SLC22A23: variants seen among roughly 807,000 people sequenced by gnomAD.
The protein encoded by SLC22A23 is ion transporter protein.
In SLC22A23, 26 loss-of-function variants were observed where a neutral mutation model predicts 61.0. That is an observed-to-expected ratio of 0.43 (90% CI 0.31 to 0.59). SLC22A23 has a LOEUF of 0.59. Among genes scored for constraint, SLC22A23 ranks in the 20% least tolerant of loss-of-function variants. The probability of loss-of-function intolerance (pLI) is 0.11; values close to 1 mark genes in which losing one functional copy is unlikely to be tolerated. For synonymous variants in SLC22A23, 430 were observed against 413.9 expected (o/e 1.04, Z -0.47); for missense variants, 796 against 934.7 (o/e 0.85, Z 1.94).
At chr6:3,409,598 T>A (rs1441860067) in intron 3 of SLC22A23, among the ~76,000 whole-genome samples, 1 of 152,224 alleles carries the variant, frequency 6.6e-6, no homozygotes, top group Admixed American at 6.5e-5. Flanking sequence ...GGTGTGTGGT[T>A]GTGTTCTAGC....
At chr6:3,285,260 G>A (rs1165560380) in intron 7 of SLC22A23, 149 bp from the exon 8 acceptor site, 2 of 1,057,388 alleles carry the variant, frequency 1.9e-6, no homozygotes, top group Non-Finnish European at 1.4e-6. Flanking sequence ...GATGGCGCTG[G>A]CCGCCGGGGC....
rs1448924914 is a variant in SLC22A23, at chr6:3,273,005, C to T, written c.*50G>A. On this transcript the variant is annotated 3_prime_UTR_variant, in exon 10 of 10. Transcript: ENST00000406686. ...CGTGTTCGGTCCCTGGTCTGTAAACCTGTGCCCAAGCTGCCCCAGACCCTG... is the reference window on the plus strand; with the variant it reads ...CGTGTTCGGTCCCTGGTCTGTAAACTTGTGCCCAAGCTGCCCCAGACCCTG... 1 of 1,476,204 alleles carries T rather than the reference C, an allele frequency of 6.8e-7. No individual in the cohort carries two copies. Among genetic ancestry groups the T allele is most frequent in the Admixed American group, 2.2e-5 (1 of 44,618 alleles). The allele number at this position is 1,476,204 out of a possible 1,614,324, so 91.4% of individuals were successfully genotyped here.
intron 3 of SLC22A23, among the ~76,000 whole-genome samples, chr6:3,362,147 T>TGGTGGCTC (rs1388675123): frequency 1.3e-5 from 2 of 151,944 alleles, no homozygotes; most frequent in Non-Finnish European, 2.9e-5. Context: ...CTCACGCCTG[T>TGGTGGCTC]AATCCTAGGA....
rs1030544878 is a variant in SLC22A23 at position 3,324,164 on chromosome 6, G to C, written c.914-162C>G. 2.8e-5 allele frequency: 23 copies of C among 835,628 alleles called. No homozygotes were observed. The highest frequency in any genetic ancestry group is 5.6e-5 in the Admixed American group (2 of 35,412). 51.8% of individuals were successfully genotyped at this position (835,628 alleles called of 1,614,324 possible). ...CCTATGTGGTGTGCCAGTGTTTTAC[G>C]GGCGCGTTGAGGCTCCAACTGGGAA... On this transcript the variant is annotated intron_variant, in intron 3 of 9. Transcript: ENST00000406686. The surrounding 1 kb of genome is among the most constrained non-coding windows in gnomAD (Gnocchi z 4.3).
At chr6:3,378,759 G>A (rs894158344) in intron 3 of SLC22A23, among the ~76,000 whole-genome samples, 1 of 146,486 alleles carries the variant, frequency 6.8e-6, no homozygotes, top group Non-Finnish European at 1.5e-5. Context: ...CAGGGTTCAA[G>A]CGATTCTCTT....
rs1167967068 is a variant in SLC22A23, at chr6:3,456,276, T to C, written c.284A>G (p.Tyr95Cys). 3.2e-6 allele frequency: 5 copies of C among 1,551,052 alleles called. No homozygotes were observed. Among genetic ancestry groups the C allele is most frequent in the African/African-American group, 1.4e-5 (1 of 72,964 alleles). Residue 95 changes from tyrosine to cysteine, a missense_variant, in exon 1 of 10, where the codon TAT becomes TGT. Physicochemically the swap from Tyr to Cys is radical, Grantham distance 194. Coordinates refer to ENST00000406686, the MANE Select transcript of SLC22A23 (RefSeq NM_015482.2). The surrounding 1 kb of genome is among the most constrained non-coding windows in gnomAD (Gnocchi z 7.1). ...LPFLGGLGGGYQKTLVLLTWI... is the reference protein window; with the variant it reads ...LPFLGGLGGGCQKTLVLLTWI... ...GGTGAGCAGCACGAGGGTCTTCTGA[T>C]AGCCCCCGCCCAGGCCCCCGAGGAA...
intron 1 of SLC22A23, among the ~76,000 whole-genome samples, chr6:3,430,981 A>T (rs1186816280): frequency 1.3e-5 from 2 of 151,026 alleles, no homozygotes; most frequent in African/African-American, 4.9e-5. Context: ...CAGGAGAATC[A>T]CTTCAACCTG....
chr6:3,285,058 G>C (rs570532628), intron 8 of SLC22A23, 21 bp downstream of exon 8: 1 of 1,612,344 alleles, frequency 6.2e-7, no homozygotes. Context: ...AGGAAGCACA[G>C]CCCACGCGCT....
intron 3 of SLC22A23, among the ~76,000 whole-genome samples, chr6:3,326,984 TGCAGGTGGATCGTTTCTGCTGGGAGGGAC>T (rs1240854421): frequency 1.4e-5 from 2 of 141,038 alleles, no homozygotes; most frequent in African/African-American, 5.7e-5. Context: ...GGACGGGGAC[TGCAGGTGGATCGTTTCTGCTGGGAGGGAC>T]GGGGACTGCA....
intron 9 of SLC22A23, among the ~76,000 whole-genome samples, chr6:3,279,227 A>G (rs1053453570): frequency 3.3e-5 from 5 of 152,000 alleles, no homozygotes; most frequent in African/African-American, 2.4e-5. Flanking sequence ...ATTCCTTGAT[A>G]TGGCCGGGCA....
intron 1 of SLC22A23, among the ~76,000 whole-genome samples, chr6:3,455,523 G>A (rs550464687): frequency 1.3e-5 from 2 of 152,276 alleles, no homozygotes; most frequent in South Asian, 4.1e-4. Flanking sequence ...ATTGCTTTGT[G>A]GGAGACCCAG....
intron 1 of SLC22A23, 127 bp from the exon 2 acceptor site, chr6:3,415,982 A>G (rs1769670962): frequency 6.4e-6 from 4 of 622,550 alleles, no homozygotes; most frequent in Non-Finnish European, 1.1e-5. Context: ...TGCCATATAC[A>G]CCAGTCAGAG....
chr6:3,444,853 C>A, intron 1 of SLC22A23: 1 of 985,568 alleles, frequency 1.0e-6, no homozygotes, highest in African/African-American at 1.7e-5. Context: ...TGGGTGAAGG[C>A]GGCAGACACC....
intron 1 of SLC22A23, among the ~76,000 whole-genome samples, chr6:3,450,029 C>T (rs150486947): frequency 1.6e-3 from 240 of 152,240 alleles, no homozygotes; most frequent in African/African-American, 5.4e-3. Context: ...AACAGTGTTT[C>T]GGATACGCTA....
chr6:3,437,401 G>C (rs56741246), intron 1 of SLC22A23, among the ~76,000 whole-genome samples: 34,652 of 151,958 alleles, frequency 0.23, 4,126 homozygotes, highest in East Asian at 0.35. Flanking sequence ...TAATAGGCCA[G>C]GCGCGGTGGC....
At chr6:3,411,023 G>C (rs866479383) in intron 2 of SLC22A23, among the ~76,000 whole-genome samples, 1 of 152,140 alleles carries the variant, frequency 6.6e-6, no homozygotes, top group Admixed American at 6.6e-5. Flanking sequence ...CTCTGGAAAC[G>C]GCCACAGATA....
chr6:3,278,353 T>G (rs1759102527), intron 9 of SLC22A23, among the ~76,000 whole-genome samples: 3 of 145,798 alleles, frequency 2.1e-5, no homozygotes, highest in Middle Eastern at 6.9e-3. Context: ...CCACTGTGCT[T>G]CTGGGCCTGA....
intron 3 of SLC22A23, among the ~76,000 whole-genome samples, chr6:3,377,251 G>C (rs895832292): frequency 6.6e-6 from 1 of 152,222 alleles, no homozygotes; most frequent in Admixed American, 6.5e-5. Context: ...GGACATTACA[G>C]AAAAAGTTTG....
At position 3,419,296 on chromosome 6, in the gene SLC22A23, C is replaced by T. The variant is rs547732607; in HGVS notation, c.655-3441G>A. Among the ~76,000 whole-genome samples the T allele has an allele frequency of 2.0e-4, 31 of 152,254 alleles. 1 individual carries two copies. The East Asian group carries it at 5.6e-3, about 27-fold the overall frequency. On this transcript the variant is annotated intron_variant, in intron 1 of 9. Transcript: ENST00000406686. ...ATCCGTGCTCCATTGCCCCCACAGA[C>T]ACCCCGATTTATAGGGATGGGGCAG...
Sources: gnomAD v4.1 joint callset for allele counts (sites outside exome capture counted in the v4.1 genomes callset) on GRCh38, gnomAD v4.1.1 for gene constraint, Gnocchi (gnomAD v3.1) non-coding constraint, MANE v1.5 for transcripts, NCBI Gene and HGNC (gene_info 2026-07-23, HGNC 2026-07-21) for gene names.